Variants in DCC observed in about 807,000 individuals in gnomAD.
The protein encoded by DCC is DCC netrin 1 receptor.
DCC carries 58 observed loss-of-function variants against 172.5 expected under a neutral mutation model. The observed-to-expected ratio is 0.34, with a 90% CI of 0.27 to 0.42. The LOEUF is 0.42. Ranked by LOEUF, DCC falls within the 10% of genes least tolerant of loss-of-function variation. The pLI, the probability that DCC is intolerant of heterozygous loss-of-function variation, is 1.00. For synonymous variants in DCC, 709 were observed against 644.5 expected (o/e 1.10, Z -1.52); for missense variants, 1,740 against 1,791.0 (o/e 0.97, Z 0.51).
intron 13 of DCC, among the ~76,000 whole-genome samples, chr18:53,309,974 A>ATATATATATATG (rs1377135602): frequency 2.6e-4 from 39 of 148,000 alleles, no homozygotes; most frequent in African/African-American, 9.6e-4. Context: ...GTATATATAT[A>ATATATATATATG]TATATATACT....
Position 53,221,237 on chromosome 18 carries a change from T to C in DCC, c.1911+5640T>C, listed in dbSNP as rs1459534003. 5.9e-5 allele frequency among the ~76,000 whole-genome samples: 9 copies of C among 152,108 alleles called. No individual in the cohort carries two copies. In the East Asian group the frequency reaches 1.7e-3, roughly 29 times the overall value. On this transcript the variant is annotated intron_variant, in intron 12 of 28. Transcript: ENST00000442544. ...TTAAATGTGGTAAGTACATTCACAT[T>C]GTTGTACATCTATCACCAGCTTCCA...
intron 1 of DCC, among the ~76,000 whole-genome samples, chr18:52,582,033 T>C (rs2033561420): frequency 6.6e-6 from 1 of 150,986 alleles, no homozygotes; most frequent in South Asian, 2.1e-4. Context: ...CCTTTTTTAG[T>C]CCATCAGGAT....
intron 15 of DCC, among the ~76,000 whole-genome samples, chr18:53,367,943 C>G (rs1232610666): frequency 2.0e-5 from 3 of 152,100 alleles, no homozygotes; most frequent in African/African-American, 7.2e-5. Flanking sequence ...GTGTAATACT[C>G]AGAAATGGAA....
intron 1 of DCC, among the ~76,000 whole-genome samples, chr18:52,484,411 C>T (rs572166253): frequency 4.5e-4 from 69 of 152,224 alleles, no homozygotes; most frequent in African/African-American, 1.6e-3. Flanking sequence ...CCAATCCCTA[C>T]TTCAGGAGGA....
intron 1 of DCC, among the ~76,000 whole-genome samples, chr18:52,694,533 A>G (rs542388463): frequency 6.6e-6 from 1 of 152,186 alleles, no homozygotes; most frequent in South Asian, 2.1e-4. Flanking sequence ...GTACGCAAGG[A>G]CCCAGTGTTA....
chr18:52,768,741 T>G (rs1465466299), intron 2 of DCC, among the ~76,000 whole-genome samples: 1 of 152,152 alleles, frequency 6.6e-6, no homozygotes, highest in African/African-American at 2.4e-5. Context: ...TCCACCTTTC[T>G]GTCATTATTT....
At chr18:52,526,933 A>C (rs1190055178) in intron 1 of DCC, among the ~76,000 whole-genome samples, 2 of 152,210 alleles carry the variant, frequency 1.3e-5, no homozygotes, top group African/African-American at 4.8e-5. Context: ...GTATCCCCAG[A>C]AATCTTCAGA....
intron 7 of DCC, among the ~76,000 whole-genome samples, chr18:53,155,830 C>G (rs751313488): frequency 2.6e-5 from 4 of 152,132 alleles, no homozygotes; most frequent in Non-Finnish European, 4.4e-5. Context: ...AGATCAAGAC[C>G]AGCCTGGCCA....
At chr18:52,410,596 A>G (rs1986811335) in intron 1 of DCC, among the ~76,000 whole-genome samples, 3 of 152,116 alleles carry the variant, frequency 2.0e-5, no homozygotes, top group Admixed American at 2.0e-4. Flanking sequence ...GAAATCTGAA[A>G]TACCTGGTCG....
intron 1 of DCC, among the ~76,000 whole-genome samples, chr18:52,403,862 T>A (rs1401905068): frequency 6.6e-6 from 1 of 152,060 alleles, no homozygotes; most frequent in Non-Finnish European, 1.5e-5. Flanking sequence ...TAATGTATGT[T>A]TGATGAGTGT....
At chr18:52,451,095 G>A (rs1216300715) in intron 1 of DCC, among the ~76,000 whole-genome samples, 1 of 152,184 alleles carries the variant, frequency 6.6e-6, no homozygotes, top group African/African-American at 2.4e-5. Context: ...TGGGCATGTT[G>A]TGAGGCAGGG....
At chr18:52,504,269 G>A (rs1378650224) in intron 1 of DCC, among the ~76,000 whole-genome samples, 2 of 152,100 alleles carry the variant, frequency 1.3e-5, no homozygotes, top group African/African-American at 4.8e-5. Context: ...TGTATTCTCT[G>A]GTTCTACTTT....
chr18:52,937,746 G>T (rs2040401857), intron 5 of DCC, among the ~76,000 whole-genome samples: 1 of 152,092 alleles, frequency 6.6e-6, no homozygotes, highest in African/African-American at 2.4e-5. Context: ...AGGACAAAGT[G>T]CTGGGATTAC....
At position 53,147,333 on chromosome 18, in the gene DCC, G is replaced by A. The variant is rs149390794; in HGVS notation, c.1262-10023G>A. ...TCTTTCTCTCTCTCTCAGAAATATAGAGGCCTGGATGGTCATACCTAAAAA... is the reference window on the plus strand; with the variant it reads ...TCTTTCTCTCTCTCTCAGAAATATAAAGGCCTGGATGGTCATACCTAAAAA... On this transcript the variant is annotated intron_variant, in intron 7 of 28. Coordinates refer to ENST00000442544, the MANE Select transcript of DCC (RefSeq NM_005215.4). Among the ~76,000 whole-genome samples, 24 of 152,200 alleles carry A rather than the reference G, an allele frequency of 1.6e-4. No homozygotes were observed. The East Asian group carries it at 4.4e-3, about 28-fold the overall frequency.
intron 26 of DCC, among the ~76,000 whole-genome samples, chr18:53,495,403 A>G (rs1364590165): frequency 1.3e-5 from 2 of 150,982 alleles, no homozygotes; most frequent in East Asian, 2.0e-4. Context: ...AAAAAAAAAA[A>G]AAAGAAAGAA....
intron 7 of DCC, among the ~76,000 whole-genome samples, chr18:53,139,147 G>C (rs868784736): frequency 6.6e-6 from 1 of 152,080 alleles, no homozygotes; most frequent in African/African-American, 2.4e-5. Context: ...GTTACACAGC[G>C]ATCACTCAAA....
At chr18:53,484,078 A>C (rs1258768943) in intron 25 of DCC, among the ~76,000 whole-genome samples, 4 of 151,868 alleles carry the variant, frequency 2.6e-5, no homozygotes, top group Non-Finnish European at 5.9e-5. Flanking sequence ...CAATCACTGA[A>C]CAATTTGAAC....
chr18:52,546,719 G>T (rs2032627556), intron 1 of DCC, among the ~76,000 whole-genome samples: 1 of 151,884 alleles, frequency 6.6e-6, no homozygotes, highest in South Asian at 2.1e-4. Context: ...GCTGGTATTG[G>T]AACCCAGGTA....
rs1179364749 is a variant in DCC at position 53,256,158 on chromosome 18, T to C, written c.1911+40561T>C. 2.6e-5 allele frequency among the ~76,000 whole-genome samples: 4 copies of C among 152,304 alleles called. No homozygotes were observed. In the East Asian group the frequency reaches 7.7e-4, roughly 29 times the overall value. On this transcript the variant is annotated intron_variant, in intron 12 of 28. Coordinates refer to ENST00000442544, the MANE Select transcript of DCC (RefSeq NM_005215.4). ...ATTGCAAAAATTTTCTTCCATTCTGTAGGTTGCCTGTTCACTCTGATGGTA... is the reference window on the plus strand; with the variant it reads ...ATTGCAAAAATTTTCTTCCATTCTGCAGGTTGCCTGTTCACTCTGATGGTA...
Sources: gnomAD v4.1 joint callset for allele counts (sites outside exome capture counted in the v4.1 genomes callset) on GRCh38, gnomAD v4.1.1 for gene constraint, MANE v1.5 for transcripts, NCBI Gene and HGNC (gene_info 2026-07-23, HGNC 2026-07-21) for gene names.